The following PACRG variants were observed in gnomAD, a reference collection of about 807,000 sequenced individuals.
The protein encoded by PACRG is parkin coregulated gene protein.
A neutral mutation model predicts 29.7 loss-of-function variants in PACRG; 29 were observed. The observed-to-expected ratio is 0.98, with a 90% CI of 0.73 to 1.33. The LOEUF is 1.33. PACRG is among the 40% of genes most tolerant of loss of function. The probability of loss-of-function intolerance (pLI) is 0.00; values close to 1 mark genes in which losing one functional copy is unlikely to be tolerated. For missense variants in PACRG, 279 were observed against 316.2 expected, an observed-to-expected ratio of 0.88 and a Z score of 0.89; for synonymous variants, 116 against 118.7, an observed-to-expected ratio of 0.98 and a Z score of 0.15.
At chr6:163,271,871 T>A (rs1434350320) in intron 4 of PACRG, among the ~76,000 whole-genome samples, 3 of 152,338 alleles carry the variant, frequency 2.0e-5, no homozygotes, top group African/African-American at 4.8e-5. Context: ...AGAATTGCTA[T>A]CTTTGTAATG....
intron 2 of PACRG, among the ~76,000 whole-genome samples, chr6:162,952,582 G>A (rs1166722357): frequency 6.6e-6 from 1 of 152,298 alleles, no homozygotes; most frequent in East Asian, 1.9e-4. Flanking sequence ...ATACTGAACT[G>A]TATGAATAAT....
intron 4 of PACRG, among the ~76,000 whole-genome samples, chr6:163,251,100 G>T (rs569583061): frequency 6.6e-6 from 1 of 151,796 alleles, no homozygotes; most frequent in Non-Finnish European, 1.5e-5. Context: ...TGGACTCTGG[G>T]AGCTTAGGGG....
chr6:162,962,626 G>A (rs11964226), intron 2 of PACRG, among the ~76,000 whole-genome samples: 23,691 of 152,112 alleles, frequency 0.16, 3,253 homozygotes, highest in African/African-American at 0.36. Context: ...GGAGAAGGCA[G>A]CTGTCATCAA....
chr6:162,738,163 A>C (rs55829877), intron 1 of PACRG, among the ~76,000 whole-genome samples: 1 of 151,908 alleles, frequency 6.6e-6, no homozygotes, highest in Non-Finnish European at 1.5e-5. Context: ...AAATTTGTAT[A>C]CATTATTCCT....
intron 2 of PACRG, among the ~76,000 whole-genome samples, chr6:162,921,555 G>A (rs908794953): frequency 5.3e-5 from 8 of 152,118 alleles, no homozygotes; most frequent in Admixed American, 1.3e-4. Context: ...GGGCTACACC[G>A]CCAGAGAGGC....
chr6:162,820,217 C>T (rs1320015194), intron 2 of PACRG, among the ~76,000 whole-genome samples: 2 of 152,144 alleles, frequency 1.3e-5, no homozygotes, highest in Admixed American at 1.3e-4. Context: ...TTATAATTTC[C>T]ACTGATGGTG....
intron 4 of PACRG, among the ~76,000 whole-genome samples, chr6:163,235,695 A>T (rs898453148): frequency 2.0e-5 from 3 of 152,102 alleles, no homozygotes; most frequent in Non-Finnish European, 2.9e-5. Flanking sequence ...TCTCTGGAAA[A>T]TTTTTTCAAT....
chr6:162,959,811 G>A (rs1040397075), intron 2 of PACRG, among the ~76,000 whole-genome samples: 5 of 152,080 alleles, frequency 3.3e-5, no homozygotes, highest in African/African-American at 9.7e-5. Flanking sequence ...ATATGAATGT[G>A]CCAGCAGTAT....
chr6:163,166,292 G>T (rs1157918081), intron 4 of PACRG: 1 of 436,196 alleles, frequency 2.3e-6, no homozygotes, highest in African/African-American at 2.0e-5. Flanking sequence ...AAAAAATGTA[G>T]ATTAGAATCG....
At chr6:162,785,194 GAGA>G (rs1362194735) in intron 1 of PACRG, among the ~76,000 whole-genome samples, 2 of 151,424 alleles carry the variant, frequency 1.3e-5, no homozygotes, top group African/African-American at 4.9e-5. Flanking sequence ...GAGAGAGAGA[GAGA>G]GAGAGGGAGA....
chr6:162,741,091 A>G (rs888903968), intron 1 of PACRG, among the ~76,000 whole-genome samples: 2 of 152,092 alleles, frequency 1.3e-5, no homozygotes, highest in Admixed American at 6.6e-5. Flanking sequence ...ACATTATTTA[A>G]TCATGATGTA....
intron 2 of PACRG, among the ~76,000 whole-genome samples, chr6:162,860,406 A>G (rs555235464): frequency 6.6e-6 from 1 of 152,312 alleles, no homozygotes; most frequent in South Asian, 2.1e-4. Flanking sequence ...TCTTGTTTCA[A>G]TTCTTTAGAA....
At chr6:163,264,607 G>A (rs1010208957) in intron 4 of PACRG, among the ~76,000 whole-genome samples, 1 of 152,188 alleles carries the variant, frequency 6.6e-6, no homozygotes, top group Non-Finnish European at 1.5e-5. Flanking sequence ...GAGATTGGTG[G>A]GGCAGCTGAG....
At chr6:163,188,145 C>T (rs921263382) in intron 4 of PACRG, among the ~76,000 whole-genome samples, 2 of 152,284 alleles carry the variant, frequency 1.3e-5, no homozygotes, top group African/African-American at 4.8e-5. Context: ...AATAGAGTCC[C>T]CACACACAGG....
chr6:162,935,033 T>A (rs1182763491), intron 2 of PACRG, among the ~76,000 whole-genome samples: 1 of 152,176 alleles, frequency 6.6e-6, no homozygotes, highest in Non-Finnish European at 1.5e-5. Flanking sequence ...GCCTGTATGG[T>A]TTCTGTTGAG....
intron 4 of PACRG, among the ~76,000 whole-genome samples, chr6:163,147,961 C>G (rs1777870140): frequency 6.6e-6 from 1 of 152,166 alleles, no homozygotes; most frequent in South Asian, 2.1e-4. Context: ...TCCGTGCTGC[C>G]TCATACATTT....
At chr6:162,844,528 C>T (rs569033899) in intron 2 of PACRG, among the ~76,000 whole-genome samples, 30 of 152,310 alleles carry the variant, frequency 2.0e-4, no homozygotes, top group African/African-American at 5.8e-4. Flanking sequence ...CCGGTACCTC[C>T]GATGGAAATG....
In PACRG at chr6:163,020,397, C is replaced by G. The variant is rs556707330; in HGVS notation, c.292-41753C>G. Among the ~76,000 whole-genome samples, 18 of 152,240 alleles carry G rather than the reference C, an allele frequency of 1.2e-4. No homozygotes were observed. In the South Asian group the frequency reaches 2.9e-3, roughly 25 times the overall value. On this transcript the variant is annotated intron_variant, in intron 2 of 4. Transcript: ENST00000366888. ...CTGTTGAACTATCCTCCATTCTTTGCCACCCTCATAAAAACAATAAAAATA... is the reference window on the plus strand; with the variant it reads ...CTGTTGAACTATCCTCCATTCTTTGGCACCCTCATAAAAACAATAAAAATA...
intron 2 of PACRG, among the ~76,000 whole-genome samples, chr6:163,040,877 A>G (rs1334570053): frequency 6.6e-6 from 1 of 152,098 alleles, no homozygotes; most frequent in African/African-American, 2.4e-5. Context: ...GAGACTTTGG[A>G]CTTGGACTTT....
Sources: gnomAD v4.1 joint callset for allele counts (sites outside exome capture counted in the v4.1 genomes callset) on GRCh38, gnomAD v4.1.1 for gene constraint, MANE v1.5 for transcripts, NCBI Gene and HGNC (gene_info 2026-07-23, HGNC 2026-07-21) for gene names.